Variants in HMGCLL1 observed in about 807,000 individuals in gnomAD.
The protein encoded by HMGCLL1 is 3-hydroxy-3-methylglutaryl-CoA lyase like 1.
Under a neutral mutation model 39.1 loss-of-function variants are expected in HMGCLL1, and 36 were observed. The ratio of observed to expected loss-of-function variants is 0.92; its 90% confidence interval spans 0.71 to 1.22. The LOEUF (loss-of-function observed/expected upper bound fraction) is 1.22, where lower values mean the gene tolerates loss of function less well. Among genes scored for constraint, HMGCLL1 ranks in the 50% most tolerant of loss-of-function variants. The pLI is 0.00. For missense variants in HMGCLL1, 451 were observed against 416.5 expected (o/e 1.08, Z -0.72); for synonymous variants, 149 against 144.0 (o/e 1.03, Z -0.25).
intron 7 of HMGCLL1, among the ~76,000 whole-genome samples, chr6:55,472,933 T>A (rs1254859837): frequency 2.6e-5 from 4 of 151,490 alleles, no homozygotes; most frequent in African/African-American, 9.7e-5. Context: ...GTTGTTAGAT[T>A]TATAAAAATT....
rs147800999 is a variant in HMGCLL1 at position 55,486,066 on chromosome 6, C to T, written c.795+9353G>A. Among the ~76,000 whole-genome samples the T allele has an allele frequency of 3.3e-3, 487 of 149,108 alleles. 5 individuals carry two copies. The highest frequency in any genetic ancestry group is 0.012 in the African/African-American group (472 of 40,648). On this transcript the variant is annotated intron_variant, in intron 7 of 8. Coordinates refer to ENST00000274901, the MANE Select transcript of HMGCLL1 (RefSeq NM_001042406.2). ...CACACAAGTTAAGGGTAGGCTATGTCGGTGTATACACACACACACACATAC... is the reference window on the plus strand; with the variant it reads ...CACACAAGTTAAGGGTAGGCTATGTTGGTGTATACACACACACACACATAC...
chr6:55,528,131 A>G (rs574538826), intron 3 of HMGCLL1, among the ~76,000 whole-genome samples: 1 of 152,182 alleles, frequency 6.6e-6, no homozygotes, highest in East Asian at 1.9e-4. Flanking sequence ...AATCCAGGAC[A>G]ATATTCATTA....
the HMGCLL1 span, among the ~76,000 whole-genome samples, chr6:55,618,474 C>T: frequency 1.3e-5 from 2 of 151,800 alleles, no homozygotes; most frequent in African/African-American, 4.8e-5. Flanking sequence ...GAATAATAAA[C>T]ATGTCAGAGA....
chr6:55,506,065 G>A (rs976478547), intron 5 of HMGCLL1, among the ~76,000 whole-genome samples: 10 of 151,664 alleles, frequency 6.6e-5, no homozygotes, highest in African/African-American at 2.4e-4. Context: ...AAACCAAACT[G>A]TCTGTCCAAC....
At position 55,553,670 on chromosome 6, in the gene HMGCLL1, C is replaced by G. The variant is rs377121034; in HGVS notation, c.109-11530G>C. Among the ~76,000 whole-genome samples the G allele has an allele frequency of 1.3e-4, 20 of 152,224 alleles. No individual in the cohort carries two copies. In the East Asian group the frequency reaches 2.9e-3, roughly 22 times the overall value. On this transcript the variant is annotated intron_variant, in intron 1 of 8. Coordinates refer to ENST00000274901, the MANE Select transcript of HMGCLL1 (RefSeq NM_001042406.2). ...GCATTAGCACATTGATGAGTTAATA[C>G]TTCATCAATGTTTGTTGCTTCCCTT... is the stretch of plus-strand genomic sequence containing the variant.
intron 1 of HMGCLL1, among the ~76,000 whole-genome samples, chr6:55,563,522 T>A (rs1185228366): frequency 6.6e-6 from 1 of 152,156 alleles, no homozygotes; most frequent in Admixed American, 6.6e-5. Flanking sequence ...AATATCATTA[T>A]TTTATAGTAT....
At chr6:55,666,316 C>G in the HMGCLL1 span, among the ~76,000 whole-genome samples, 7 of 151,680 alleles carry the variant, frequency 4.6e-5, no homozygotes, top group Non-Finnish European at 1.0e-4. Context: ...CCACAGGGTA[C>G]TCAGTAATCA....
intron 7 of HMGCLL1, among the ~76,000 whole-genome samples, chr6:55,479,241 A>G (rs1765606261): frequency 6.6e-6 from 1 of 151,500 alleles, no homozygotes; most frequent in South Asian, 2.1e-4. Flanking sequence ...TGTCATGGGA[A>G]CTTTAACTGT....
intron 3 of HMGCLL1, among the ~76,000 whole-genome samples, chr6:55,540,014 G>A (rs183488614): frequency 0.064 from 1,632 of 25,542 alleles, 131 homozygotes; most frequent in African/African-American, 0.13. Context: ...GGGAGGGAGG[G>A]AGGGAGGGAG....
the HMGCLL1 span, among the ~76,000 whole-genome samples, chr6:55,630,316 T>G: frequency 6.6e-6 from 1 of 152,064 alleles, no homozygotes; most frequent in South Asian, 2.1e-4. Context: ...GGCCCCTTTG[T>G]TTTGGCCTAT....
the HMGCLL1 span, among the ~76,000 whole-genome samples, chr6:55,659,123 T>C: frequency 4.0e-5 from 6 of 151,822 alleles, no homozygotes; most frequent in Admixed American, 1.3e-4. Flanking sequence ...TACCATATCG[T>C]ATATGGGTGG....
intron 1 of HMGCLL1, among the ~76,000 whole-genome samples, chr6:55,552,240 T>G (rs1016080917): frequency 1.3e-5 from 2 of 151,956 alleles, no homozygotes; most frequent in African/African-American, 4.8e-5. Context: ...ACATGTAGCA[T>G]AGAGATTTAA....
At chr6:55,439,599 T>C in intron 7 of HMGCLL1, 40 bp from the exon 8 acceptor site, 1 of 1,593,404 alleles carries the variant, frequency 6.3e-7, no homozygotes, top group Non-Finnish European at 8.6e-7. Context: ...TGTGTGTTTA[T>C]GGCATGTAAA....
chr6:55,561,050 C>T (rs1035557482), intron 1 of HMGCLL1, among the ~76,000 whole-genome samples: 6 of 152,050 alleles, frequency 3.9e-5, no homozygotes, highest in Non-Finnish European at 8.8e-5. Context: ...CACAATTCAT[C>T]GGGTTGTTCA....
At chr6:55,627,174 G>C in the HMGCLL1 span, among the ~76,000 whole-genome samples, 3 of 151,786 alleles carry the variant, frequency 2.0e-5, no homozygotes, top group Non-Finnish European at 4.4e-5. Flanking sequence ...ACCAGCTGTA[G>C]AAATGAAGAT....
intron 7 of HMGCLL1, among the ~76,000 whole-genome samples, chr6:55,491,844 A>G: frequency 6.6e-6 from 1 of 152,058 alleles, no homozygotes; most frequent in Non-Finnish European, 1.5e-5. Flanking sequence ...TGCTCAGAAT[A>G]ATTTCTCTAT....
chr6:55,535,732 G>A (rs2127452049), intron 3 of HMGCLL1, among the ~76,000 whole-genome samples: 1 of 152,224 alleles, frequency 6.6e-6, no homozygotes, highest in South Asian at 2.1e-4. Flanking sequence ...AGGTGACAGA[G>A]GCCAACTCAT....
the HMGCLL1 span, among the ~76,000 whole-genome samples, chr6:55,600,168 C>T: frequency 6.6e-6 from 1 of 151,688 alleles, no homozygotes; most frequent in South Asian, 2.1e-4. Flanking sequence ...AATCATATTT[C>T]ACTTCTGAAA....
intron 5 of HMGCLL1, among the ~76,000 whole-genome samples, chr6:55,509,942 C>T (rs545754240): frequency 5.9e-5 from 9 of 151,978 alleles, no homozygotes; most frequent in African/African-American, 2.2e-4. Context: ...CTCCTAAATA[C>T]TAAGCACATT....
Sources: allele counts gnomAD v4.1 joint callset (sites outside exome capture counted in the v4.1 genomes callset), GRCh38; gene constraint gnomAD v4.1.1; transcripts MANE v1.5; gene names NCBI Gene and HGNC (gene_info 2026-07-23, HGNC 2026-07-21).